LIN7C: variants seen among roughly 807,000 people sequenced by gnomAD.
The protein encoded by LIN7C is lin-7 cell polarity scaffold C, also known as protein lin-7 homolog C.
A neutral mutation model predicts 24.7 loss-of-function variants in LIN7C; 17 were observed. That is an observed-to-expected ratio of 0.69 (90% CI 0.47 to 1.03). The LOEUF is 1.03. LIN7C is among the 50% of genes least tolerant of loss of function. LIN7C has a pLI of 0.00. For missense variants in LIN7C, 204 were observed against 239.0 expected (o/e 0.85, Z 0.97); for synonymous variants, 90 against 83.4 (o/e 1.08, Z -0.43).
At chr11:27,501,365 T>C in intron 3 of LIN7C, 130 bp downstream of exon 3, 1 of 641,360 alleles carries the variant, frequency 1.6e-6, no homozygotes. Context: ...TCTTAGTACT[T>C]GAGAAATTTG....
At position 27,497,665 on chromosome 11, in the gene LIN7C, C is replaced by A. The variant is rs975795061; in HGVS notation, c.*984G>T. On this transcript the variant is annotated 3_prime_UTR_variant, in exon 5 of 5. Transcript: ENST00000278193. ...TTTAAAATCAATTATTTAAATTGAGCTAGTAAGAATGTCTACTCTTGAAGC... is the reference window on the plus strand; with the variant it reads ...TTTAAAATCAATTATTTAAATTGAGATAGTAAGAATGTCTACTCTTGAAGC... 2 of 152,042 alleles carry A rather than the reference C, an allele frequency of 1.3e-5. No individual in the cohort carries two copies. The highest frequency in any genetic ancestry group is 4.8e-5 in the African/African-American group (2 of 41,400). 9.4% of individuals were successfully genotyped at this position (152,042 alleles called of 1,614,324 possible). A position where few individuals can be genotyped will look rare whatever the true frequency, so the allele number is the denominator to read the frequency against.
chr11:27,503,779 T>G (rs1865247364), intron 1 of LIN7C, among the ~76,000 whole-genome samples: 1 of 152,038 alleles, frequency 6.6e-6, no homozygotes, highest in African/African-American at 2.4e-5. Context: ...CCCAAGGTGC[T>G]GGGATTACAG....
chr11:27,499,899 T>C (rs1865206760), intron 3 of LIN7C, among the ~76,000 whole-genome samples: 1 of 152,226 alleles, frequency 6.6e-6, no homozygotes, highest in South Asian at 2.1e-4. Context: ...AGTGCTGGGA[T>C]TACAGGCGTG....
At chr11:27,499,645 T>TCCATCTCGGGG in intron 3 of LIN7C, 77 bp from the exon 4 acceptor site, 1 of 1,295,792 alleles carries the variant, frequency 7.7e-7, no homozygotes, top group Non-Finnish European at 1.1e-6. Context: ...CCCCCCGAGA[T>TCCATCTCGGGG]GGAGTCTCGC....
chr11:27,504,471 TTCTACTTTAGGA>T (rs540001289), intron 1 of LIN7C, among the ~76,000 whole-genome samples: 42 of 152,300 alleles, frequency 2.8e-4, no homozygotes, highest in African/African-American at 9.4e-4. Flanking sequence ...CTGTAGGATT[TTCTACTTTAGGA>T]TCGTTGGGAG....
rs1207356094 is a variant in LIN7C, at chr11:27,498,057, G to C, written c.*592C>G. 6.6e-6 allele frequency: 1 copy of C among 152,008 alleles called. No individual in the cohort carries two copies. The highest frequency in any genetic ancestry group is 1.9e-4 in the East Asian group (1 of 5,192). The allele number at this position is 152,008 out of a possible 1,614,324, so 9.4% of individuals were successfully genotyped here. ...TTATATATTATGTTTAAGTAAAAGT[G>C]AAAAAACTTGCACTGTACTGAGTCA... On this transcript the variant is annotated 3_prime_UTR_variant, in exon 5 of 5. Transcript: ENST00000278193.
chr11:27,504,442 G>A lies in LIN7C; in HGVS notation c.37+2274C>T, dbSNP rs529621922. Among the ~76,000 whole-genome samples, 41 of 152,190 alleles carry A rather than the reference G, an allele frequency of 2.7e-4. No homozygotes were observed. In the South Asian group the frequency reaches 5.4e-3, roughly 20 times the overall value. On this transcript the variant is annotated intron_variant, in intron 1 of 4. Transcript: ENST00000278193. ...ACTCTAAATCATCATATGTGATCAGGCACTGTATTGTAATTGTACTGTAGG... is the reference window on the plus strand; with the variant it reads ...ACTCTAAATCATCATATGTGATCAGACACTGTATTGTAATTGTACTGTAGG...
At position 27,497,135 on chromosome 11, in the gene LIN7C, T is replaced by C. The variant is rs763345002; in HGVS notation, c.*1514A>G. 9.2e-5 allele frequency: 14 copies of C among 152,564 alleles called. No individual in the cohort carries two copies. Among genetic ancestry groups the C allele is most frequent in the Non-Finnish European group, 1.8e-4 (12 of 67,974 alleles). The allele number at this position is 152,564 out of a possible 1,614,324, so 9.5% of individuals were successfully genotyped here. A position where few individuals can be genotyped will look rare whatever the true frequency, so the allele number is the denominator to read the frequency against. The stretch of plus-strand genomic sequence containing the variant: ...TCAATACCTTAATGATAAATAACAA[T>C]GCTGATTGACTTTTATTTTGAAAAA... On this transcript the variant is annotated 3_prime_UTR_variant, in exon 5 of 5. Transcript: ENST00000278193.
At chr11:27,504,069 C>G (rs557465156) in intron 1 of LIN7C, among the ~76,000 whole-genome samples, 1 of 152,162 alleles carries the variant, frequency 6.6e-6, no homozygotes, top group Non-Finnish European at 1.5e-5. Context: ...CTGCTTGCCT[C>G]GGCCTCCCAA....
chr11:27,500,078 G>C (rs1160617410), intron 3 of LIN7C, among the ~76,000 whole-genome samples: 2 of 152,118 alleles, frequency 1.3e-5, no homozygotes, highest in East Asian at 3.8e-4. Context: ...GAAATGTTAC[G>C]ATTTTTTGTT....
At chr11:27,503,241 T>C (rs1324770642) in intron 1 of LIN7C, among the ~76,000 whole-genome samples, 1 of 152,236 alleles carries the variant, frequency 6.6e-6, no homozygotes, top group African/African-American at 2.4e-5. Flanking sequence ...ATAAGTGTTT[T>C]ATGAATTGAG....
intron 1 of LIN7C, among the ~76,000 whole-genome samples, chr11:27,504,448 T>C (rs780118926): frequency 7.2e-5 from 11 of 152,210 alleles, no homozygotes; most frequent in Admixed American, 2.6e-4. Context: ...TCAGGCACTG[T>C]ATTGTAATTG....
In LIN7C at chr11:27,495,237, G is replaced by A. The variant is rs1479068783; in HGVS notation, c.*3412C>T. The A allele has an allele frequency of 6.6e-6, 1 of 152,166 alleles. No homozygotes were observed. 9.4% of individuals were successfully genotyped at this position (152,166 alleles called of 1,614,324 possible). A position where few individuals can be genotyped will look rare whatever the true frequency, so the allele number is the denominator to read the frequency against. On this transcript the variant is annotated 3_prime_UTR_variant, in exon 5 of 5. Coordinates refer to ENST00000278193, the MANE Select transcript of LIN7C (RefSeq NM_018362.4). ...AATTCCAGCACTTTGGGAGGCCGAG[G>A]CGGGCGAATCACGAGGTCAGGAGAT...
chr11:27,504,493 G>A (rs905486849), intron 1 of LIN7C, among the ~76,000 whole-genome samples: 1 of 152,140 alleles, frequency 6.6e-6, no homozygotes, highest in Admixed American at 6.5e-5. Flanking sequence ...ATCGTTGGGA[G>A]TGTTTGTTAA....
Position 27,499,683 on chromosome 11 carries a change from C to A in LIN7C, c.229-115G>T. 3 of 892,980 alleles carry A rather than the reference C, an allele frequency of 3.4e-6. No homozygotes were observed. In the Admixed American group the frequency reaches 7.1e-5, roughly 21 times the overall value. 55.3% of individuals were successfully genotyped at this position (892,980 alleles called of 1,614,324 possible). ...TGTCGCACAGGCTGGAGTGCAGTGG[C>A]GTGATCTTGGCTCACTGCAAGCTCC... On this transcript the variant is annotated intron_variant, in intron 3 of 4. Transcript: ENST00000278193.
intron 1 of LIN7C, among the ~76,000 whole-genome samples, chr11:27,504,248 G>C (rs577111281): frequency 6.6e-6 from 1 of 152,158 alleles, no homozygotes; most frequent in African/African-American, 2.4e-5. Flanking sequence ...GGGGACTGTT[G>C]GTTCATCAAT....
intron 1 of LIN7C, among the ~76,000 whole-genome samples, chr11:27,505,854 G>A (rs1413618688): frequency 6.6e-6 from 1 of 152,124 alleles, no homozygotes; most frequent in African/African-American, 2.4e-5. Context: ...TGTATGAAAA[G>A]CATGCTTGAA....
Position 27,495,557 on chromosome 11 carries a change from T to C in LIN7C, c.*3092A>G, listed in dbSNP as rs1314163649. 6.6e-6 allele frequency: 1 copy of C among 151,738 alleles called. No homozygotes were observed. Among genetic ancestry groups the C allele is most frequent in the Admixed American group, 6.6e-5 (1 of 15,178 alleles). 9.4% of individuals were successfully genotyped at this position (151,738 alleles called of 1,614,324 possible). On this transcript the variant is annotated 3_prime_UTR_variant, in exon 5 of 5. Coordinates refer to ENST00000278193, the MANE Select transcript of LIN7C (RefSeq NM_018362.4). ...AGGCTGCTATTATCTAGTATTATAC[T>C]AACAAATGAAGTGCCCACATTAAGA...
In LIN7C at chr11:27,497,799, G is replaced by A. The variant is rs2133486132; in HGVS notation, c.*850C>T. 1 of 152,138 alleles carries A rather than the reference G, an allele frequency of 6.6e-6. No individual in the cohort carries two copies. Among genetic ancestry groups the A allele is most frequent in the East Asian group, 1.9e-4 (1 of 5,174 alleles). The allele number at this position is 152,138 out of a possible 1,614,324, so 9.4% of individuals were successfully genotyped here. A position where few individuals can be genotyped will look rare whatever the true frequency, so the allele number is the denominator to read the frequency against. Reference sequence around the variant, plus strand: ...AGGACTAAAATATAGGGGAAATACTGTGCATTTAAATAAAAATGAATAGTA... The same window carrying A: ...AGGACTAAAATATAGGGGAAATACTATGCATTTAAATAAAAATGAATAGTA... On this transcript the variant is annotated 3_prime_UTR_variant, in exon 5 of 5. Transcript: ENST00000278193.
Sources: allele counts gnomAD v4.1 joint callset (sites outside exome capture counted in the v4.1 genomes callset), GRCh38; gene constraint gnomAD v4.1.1; transcripts MANE v1.5; gene names NCBI Gene and HGNC (gene_info 2026-07-23, HGNC 2026-07-21).